PAK4: variants seen among roughly 807,000 people sequenced by gnomAD.
PAK4 encodes the protein p21 (RAC1) activated kinase 4, also known as serine/threonine-protein kinase PAK 4.
A neutral mutation model predicts 53.5 loss-of-function variants in PAK4; 49 were observed. The ratio of observed to expected loss-of-function variants is 0.92; its 90% CI spans 0.73 to 1.16. PAK4 has a LOEUF of 1.16. Ranked by LOEUF, PAK4 falls within the 50% of genes most tolerant of loss-of-function variation. PAK4 has a pLI of 0.00. For synonymous variants in PAK4, 376 were observed against 375.6 expected (o/e 1.00, Z -0.01); for missense variants, 824 against 850.7 (o/e 0.97, Z 0.39).
intron 1 of PAK4, among the ~76,000 whole-genome samples, chr19:39,149,974 G>T (rs1361998231): frequency 6.6e-6 from 1 of 152,174 alleles, no homozygotes; most frequent in Admixed American, 6.5e-5. Flanking sequence ...CATAGTTTTT[G>T]TTGGAATGAT....
intron 1 of PAK4, among the ~76,000 whole-genome samples, chr19:39,155,534 C>T (rs867671734): frequency 1.3e-5 from 2 of 152,016 alleles, no homozygotes; most frequent in Admixed American, 6.5e-5. Context: ...CCGGAGGCCT[C>T]GAGGGGAACA....
intron 1 of PAK4, 42 bp from the exon 3 acceptor site, chr19:39,169,490 A>G (rs773417817): frequency 2.9e-6 from 4 of 1,390,134 alleles, no homozygotes; most frequent in South Asian, 1.2e-5. Flanking sequence ...AGGAAGAGAC[A>G]TGGGCAGGCT....
In PAK4 at chr19:39,173,917, G is replaced by A. The variant is rs747368105; in HGVS notation, c.1005G>A (p.Val335=). The change falls in exon 4 of 9, where the codon GTG becomes GTA. Residue 335 remains valine, a synonymous_variant. Transcript: ENST00000358301. This position sits in a 1 kb window ranked among gnomAD's most constrained non-coding sequence, Gnocchi z 6.9. ...TTGGCGAGGGCTCCACGGGCATCGT[G>A]TGCATCGCCACCGTGCGCAGCTCGG... 1.9e-6 allele frequency: 3 copies of A among 1,612,026 alleles called. No homozygotes were observed. The highest frequency in any genetic ancestry group is 2.5e-6 in the Non-Finnish European group (3 of 1,179,634).
At chr19:39,128,424 T>C (rs2145085763) in intron 1 of PAK4, among the ~76,000 whole-genome samples, 1 of 152,258 alleles carries the variant, frequency 6.6e-6, no homozygotes, top group East Asian at 1.9e-4. Context: ...CAGGCAGCCC[T>C]CTGAGGCTGG....
chr19:39,180,916 C>T (rs879478041), downstream of PAK4: 5 of 152,302 alleles, frequency 3.3e-5, no homozygotes, highest in East Asian at 1.9e-4. Flanking sequence ...CCAGGGTGCC[C>T]GGCGACCCCA....
rs931460253 is a variant in PAK4, at chr19:39,175,270, G to A, written c.1233-42G>A. Reference sequence around the variant, plus strand: ...GCTGCGTCCCCCTCGGCACCCCGGGGTGCTGTCCAGCTGGCTGCTCACCCC... The same window carrying A: ...GCTGCGTCCCCCTCGGCACCCCGGGATGCTGTCCAGCTGGCTGCTCACCCC... On this transcript the variant is annotated intron_variant, in intron 5 of 8. Coordinates refer to ENST00000358301, the Ensembl canonical transcript of PAK4. The surrounding 1 kb of genome is among the most constrained non-coding windows in gnomAD (Gnocchi z 4.7). 6.5e-7 allele frequency: 1 copy of A among 1,548,732 alleles called. No individual in the cohort carries two copies. Among genetic ancestry groups the A allele is most frequent in the Non-Finnish European group, 8.8e-7 (1 of 1,142,608 alleles).
downstream of PAK4, chr19:39,180,396 CACTCCAGA>C (rs1225112668): frequency 1.3e-5 from 2 of 151,228 alleles, no homozygotes; most frequent in Admixed American, 6.6e-5. Flanking sequence ...ACTGCACACA[CACTCCAGA>C]ATAAATAAAA....
chr19:39,163,273 G>A (rs542813994), intron 1 of PAK4, among the ~76,000 whole-genome samples: 1 of 152,230 alleles, frequency 6.6e-6, no homozygotes, highest in Admixed American at 6.5e-5. Context: ...TTTCATTTTG[G>A]TAACGATGAA....
At chr19:39,152,881 A>T (rs2074115900) in intron 1 of PAK4, among the ~76,000 whole-genome samples, 2 of 151,988 alleles carry the variant, frequency 1.3e-5, no homozygotes, top group Non-Finnish European at 2.9e-5. Flanking sequence ...CGGGTTCTGC[A>T]CCCACCCATT....
chr19:39,155,512 C>G (rs764861648), intron 1 of PAK4, among the ~76,000 whole-genome samples: 11 of 152,046 alleles, frequency 7.2e-5, no homozygotes, highest in Non-Finnish European at 1.3e-4. Flanking sequence ...AAGGGATGAA[C>G]CAAGCAGCCC....
intron 1 of PAK4, among the ~76,000 whole-genome samples, chr19:39,149,107 A>G (rs2074053364): frequency 6.6e-6 from 1 of 152,244 alleles, no homozygotes; most frequent in Non-Finnish European, 1.5e-5. Flanking sequence ...GCTGTTCGGC[A>G]TAGAATTACC....
At position 39,162,300 on chromosome 19, in the gene PAK4, C is replaced by G. The variant is rs538898707; in HGVS notation, c.-22-7232C>G. Among the ~76,000 whole-genome samples the G allele has an allele frequency of 2.7e-3, 414 of 151,878 alleles. 2 individuals carry two copies. The highest frequency in any genetic ancestry group is 9.7e-3 in the African/African-American group (403 of 41,380). ...TTGAGACAAGGTCTCACCCTGTCAC[C>G]TAGGCTGGAGTGCAGTGGCACGATC... On this transcript the variant is annotated intron_variant, in intron 1 of 8. Coordinates refer to ENST00000358301, the Ensembl canonical transcript of PAK4.
intron 2 of PAK4, among the ~76,000 whole-genome samples, chr19:39,170,617 A>G (rs1427984955): frequency 6.6e-6 from 1 of 152,138 alleles, no homozygotes; most frequent in Non-Finnish European, 1.5e-5. Context: ...GCCAAGGGGA[A>G]CTCGGCCAGG....
At chr19:39,141,919 G>A (rs998903913) in intron 1 of PAK4, among the ~76,000 whole-genome samples, 62 of 152,320 alleles carry the variant, frequency 4.1e-4, no homozygotes, top group African/African-American at 1.4e-3. Flanking sequence ...GAGCCACGGC[G>A]CCCGGCCCAT....
In PAK4 at chr19:39,178,708, TG is replaced by T; in HGVS notation, c.*134del. On this transcript the variant is annotated 3_prime_UTR_variant, in exon 9 of 9. Coordinates refer to ENST00000358301, the Ensembl canonical transcript of PAK4. This position sits in a 1 kb window ranked among gnomAD's most constrained non-coding sequence, Gnocchi z 4.4. ...CTCCGCGTGGCACCACCCTCCTTGCTGGGGGTAGATGAGACCCTACTACTGA... is the reference window on the plus strand; with the variant it reads ...CTCCGCGTGGCACCACCCTCCTTGCTGGGGTAGATGAGACCCTACTACTGA... 1 of 760,340 alleles carries T rather than the reference TG, an allele frequency of 1.3e-6. No individual in the cohort carries two copies. Among genetic ancestry groups the T allele is most frequent in the Non-Finnish European group, 2.1e-6 (1 of 478,162 alleles). The allele number at this position is 760,340 out of a possible 1,614,324, so 47.1% of individuals were successfully genotyped here. A position where few individuals can be genotyped will look rare whatever the true frequency, so the allele number is the denominator to read the frequency against.
At chr19:39,139,731 C>T (rs1404268629) in intron 1 of PAK4, among the ~76,000 whole-genome samples, 2 of 152,206 alleles carry the variant, frequency 1.3e-5, no homozygotes, top group Non-Finnish European at 2.9e-5. Flanking sequence ...CCTTTGGCTG[C>T]GCCTTAGGGT....
chr19:39,160,792 T>A (rs1361771470), intron 1 of PAK4, among the ~76,000 whole-genome samples: 1 of 152,244 alleles, frequency 6.6e-6, no homozygotes, highest in African/African-American at 2.4e-5. Context: ...TGTCTTCAGA[T>A]TCCCTTCTAA....
chr19:39,169,901 G>C, intron 2 of PAK4, 144 bp downstream of exon 3: 2 of 667,154 alleles, frequency 3.0e-6, no homozygotes, highest in South Asian at 3.8e-5. Context: ...CCCCTATCCT[G>C]GGTCCAGTGC....
At chr19:39,162,259 C>T (rs1034681625) in intron 1 of PAK4, among the ~76,000 whole-genome samples, 1 of 151,964 alleles carries the variant, frequency 6.6e-6, no homozygotes, top group African/African-American at 2.4e-5. Flanking sequence ...CTGCACCCAG[C>T]CTGTTATTCT....
Sources: gnomAD v4.1 joint callset for allele counts (sites outside exome capture counted in the v4.1 genomes callset) on GRCh38, gnomAD v4.1.1 for gene constraint, Gnocchi (gnomAD v3.1) non-coding constraint, MANE v1.5 for transcripts, NCBI Gene and HGNC (gene_info 2026-07-23, HGNC 2026-07-21) for gene names.